Variants in SBF1 observed in about 807,000 individuals in gnomAD.
SBF1 encodes the protein myotubularin-related protein 5.
Under a neutral mutation model 215.8 loss-of-function variants are expected in SBF1, and 65 were observed. The ratio of observed to expected loss-of-function variants is 0.30; its 90% confidence interval spans 0.25 to 0.37. The LOEUF (loss-of-function observed/expected upper bound fraction) is 0.37. Among genes scored for constraint, SBF1 ranks in the 10% least tolerant of loss-of-function variants. SBF1 has a pLI of 1.00. For synonymous variants in SBF1, 1,410 were observed against 1,122.8 expected (o/e 1.26, Z -5.11); for missense variants, 2,634 against 2,667.8 (o/e 0.99, Z 0.28).
At chr22:50,448,125 TTAAG>T (rs2066907312) in intron 38 of SBF1, 104 bp downstream of exon 38, 71 of 1,043,128 alleles carry the variant, frequency 6.8e-5, no homozygotes, top group Non-Finnish European at 1.0e-4. Flanking sequence ...TGGTGTATAC[TTAAG>T]CAAGCTCCTC....
At chr22:50,472,098 G>A (rs150653976) in intron 1 of SBF1, among the ~76,000 whole-genome samples, 143 of 152,320 alleles carry the variant, frequency 9.4e-4, no homozygotes, top group African/African-American at 3.3e-3. Context: ...CCTGATGCCT[G>A]CCCCAGAGCA....
rs143229588 is a variant in SBF1, at chr22:50,473,629, G to C, written c.55+1157C>G. Among the ~76,000 whole-genome samples, 224 of 152,224 alleles carry C rather than the reference G, an allele frequency of 1.5e-3. 6 individuals carry two copies. The highest frequency in any genetic ancestry group is 4.6e-3 in the East Asian group (24 of 5,184). On this transcript the variant is annotated intron_variant, in intron 1 of 40. Transcript: ENST00000380817. ...AAAGAGGCTTCAGGAAGTGTAGGGG[G>C]GTGTCCAGCAGAAGAAACACAAAAA...
At chr22:50,453,343 C>G (rs896960546) in intron 36 of SBF1, among the ~76,000 whole-genome samples, 1 of 152,208 alleles carries the variant, frequency 6.6e-6, no homozygotes, top group Non-Finnish European at 1.5e-5. Context: ...TGGGTCACCT[C>G]CATCACAAAC....
chr22:50,456,042 G>C, intron 31 of SBF1, 174 bp downstream of exon 31: 1 of 700,306 alleles, frequency 1.4e-6, no homozygotes, highest in Non-Finnish European at 2.3e-6. Flanking sequence ...CCCCAGCCAG[G>C]CCCAGCCTCC....
At position 50,446,656 on chromosome 22, in the gene SBF1, C is replaced by A. The variant is rs1405880937; in HGVS notation, c.*486G>T. The A allele has an allele frequency of 4.4e-5, 16 of 366,280 alleles. No individual in the cohort carries two copies. Among genetic ancestry groups the A allele is most frequent in the South Asian group, 3.1e-4 (15 of 48,452 alleles). The allele number at this position is 366,280 out of a possible 1,614,324, so 22.7% of individuals were successfully genotyped here. On this transcript the variant is annotated 3_prime_UTR_variant, in exon 41 of 41. Coordinates refer to ENST00000380817, the MANE Select transcript of SBF1 (RefSeq NM_002972.4). ...GAGCAAAGTCACTCCCAGGGACATG[C>A]AGGCCGAGCTGGGTGGACCCAGGCA...
Position 50,461,830 on chromosome 22 carries a change from T to G in SBF1, c.2609A>C (p.Gln870Pro), listed in dbSNP as rs776640916. The G allele has an allele frequency of 6.2e-7, 1 of 1,613,612 alleles. No homozygotes were observed. Among genetic ancestry groups the G allele is most frequent in the African/African-American group, 1.3e-5 (1 of 74,924 alleles). Residue 870 changes from glutamine to proline, a missense_variant, in exon 21 of 41, where the codon CAG becomes CCG. Coordinates refer to ENST00000380817, the MANE Select transcript of SBF1 (RefSeq NM_002972.4). ...GGGCGGCAGCCTCCGGCTCTCCCGCTGCACGGCCTCCAGGGTCTCGATGTG... is the reference window on the plus strand; with the variant it reads ...GGGCGGCAGCCTCCGGCTCTCCCGCGGCACGGCCTCCAGGGTCTCGATGTG... ...QMHIETLEAVQRESRRLPPIQ... is the reference protein window; with the variant it reads ...QMHIETLEAVPRESRRLPPIQ...
At chr22:50,473,435 G>A (rs61584959) in intron 1 of SBF1, among the ~76,000 whole-genome samples, 15,757 of 152,152 alleles carry the variant, frequency 0.1, 1,161 homozygotes, top group African/African-American at 0.2. Flanking sequence ...CTGCACAGTG[G>A]GGATGAGGAC....
At chr22:50,473,492 G>A (rs577501629) in intron 1 of SBF1, among the ~76,000 whole-genome samples, 2 of 152,222 alleles carry the variant, frequency 1.3e-5, no homozygotes, top group African/African-American at 2.4e-5. Flanking sequence ...GAAAAAGACA[G>A]ATGCTCATGA....
Position 50,466,345 on chromosome 22 carries a change from G to T in SBF1, c.788+5C>A, listed in dbSNP as rs1008901176. On this transcript the variant is annotated splice_donor_5th_base_variant and intron_variant, in intron 7 of 40. Transcript: ENST00000380817. ...AAGGGGCTGGGAGGGCCGGGCAGGGGTCACCTGTATCTGAGAGGAAACAGC... is the reference window on the plus strand; with the variant it reads ...AAGGGGCTGGGAGGGCCGGGCAGGGTTCACCTGTATCTGAGAGGAAACAGC... 6.3e-7 allele frequency: 1 copy of T among 1,579,290 alleles called. No individual in the cohort carries two copies. Among genetic ancestry groups the T allele is most frequent in the South Asian group, 1.1e-5 (1 of 87,430 alleles).
chr22:50,469,729 GC>G (rs2067928590), intron 1 of SBF1, among the ~76,000 whole-genome samples: 3 of 152,060 alleles, frequency 2.0e-5, no homozygotes, highest in African/African-American at 7.2e-5. Flanking sequence ...TCAACACAGA[GC>G]CCCTCATGGA....
intron 36 of SBF1, among the ~76,000 whole-genome samples, chr22:50,449,410 T>C (rs1457889833): frequency 6.7e-6 from 1 of 149,240 alleles, no homozygotes; most frequent in East Asian, 2.0e-4. Context: ...AGGTCAGGAG[T>C]TCAAGACCAG....
Position 50,446,868 on chromosome 22 carries a change from G to C in SBF1, c.*274C>G, listed in dbSNP as rs925361936. The C allele has an allele frequency of 1.3e-6, 1 of 744,512 alleles. No individual in the cohort carries two copies. The highest frequency in any genetic ancestry group is 2.5e-6 in the Non-Finnish European group (1 of 406,050). 46.1% of individuals were successfully genotyped at this position (744,512 alleles called of 1,614,324 possible). A position where few individuals can be genotyped will look rare whatever the true frequency, so the allele number is the denominator to read the frequency against. On this transcript the variant is annotated 3_prime_UTR_variant, in exon 41 of 41. Coordinates refer to ENST00000380817, the MANE Select transcript of SBF1 (RefSeq NM_002972.4). ...GAAACTCGCCTGCAGCCGCTGGCTGGACCAGCACACGCTGACGGGGCCGGA... is the reference window on the plus strand; with the variant it reads ...GAAACTCGCCTGCAGCCGCTGGCTGCACCAGCACACGCTGACGGGGCCGGA...
At chr22:50,448,987 C>T (rs773772986) in intron 36 of SBF1, among the ~76,000 whole-genome samples, 10 of 151,794 alleles carry the variant, frequency 6.6e-5, no homozygotes, top group Non-Finnish European at 1.5e-4. Flanking sequence ...CACCTGAGGT[C>T]AGGAGTTTGA....
intron 30 of SBF1, 27 bp downstream of exon 30, chr22:50,456,465 A>AACCCCCCCC: frequency 5.3e-6 from 4 of 748,646 alleles, no homozygotes; most frequent in Non-Finnish European, 3.7e-6. Context: ...CCCCACCCTC[A>AACCCCCCCC]CCCCCCACCC....
In SBF1 at chr22:50,461,527, G is replaced by T. The variant is rs1167982235; in HGVS notation, c.2835C>A (p.Pro945=). Residue 945 remains proline, a synonymous_variant, in exon 22 of 41, where the codon CCC becomes CCA. Transcript: ENST00000380817. ...CCAGAGAGTCTGCAGGCTCACCCAG[G>T]GGGTCCGTGGGCATCCCCGTGAAGA... ...RVIFTGMPTD[P]LVGEQVVVRS... The T allele has an allele frequency of 6.3e-7, 1 of 1,596,732 alleles. No homozygotes were observed. The highest frequency in any genetic ancestry group is 1.7e-4 in the Middle Eastern group (1 of 6,014).
In SBF1 at chr22:50,462,250, C is replaced by G; in HGVS notation, c.2351G>C (p.Gly784Ala). 1 of 1,609,878 alleles carries G rather than the reference C, an allele frequency of 6.2e-7. No homozygotes were observed. Reference sequence around the variant, plus strand: ...GCTGGCGCTCTCCAGGTCGCCCAGCCCGGCACGCTCCCGAAGTAGGCGGCT... The same window carrying G: ...GCTGGCGCTCTCCAGGTCGCCCAGCGCGGCACGCTCCCGAAGTAGGCGGCT... ...SKSRLLRERA[G>A]LGDLESASNS... Residue 784 changes from glycine to alanine, a missense_variant, in exon 19 of 41, where the codon GGG becomes GCG. Transcript: ENST00000380817.
chr22:50,461,323 G>T, intron 22 of SBF1, 37 bp from the exon 23 acceptor site: 1 of 1,418,758 alleles, frequency 7.0e-7, no homozygotes. Context: ...AGCAAGGAAG[G>T]TAAGGGGGGG....
At chr22:50,468,133 G>A (rs1170754542) in intron 2 of SBF1, among the ~76,000 whole-genome samples, 3 of 152,176 alleles carry the variant, frequency 2.0e-5, no homozygotes, top group African/African-American at 7.2e-5. Context: ...CTGGGGCAAG[G>A]ACCAGGAGAT....
At chr22:50,465,611 T>A in intron 10 of SBF1, 152 bp downstream of exon 10, 1 of 755,892 alleles carries the variant, frequency 1.3e-6, no homozygotes, top group South Asian at 1.9e-5. Context: ...CACTCCTAAC[T>A]GCTGGCAGCT....
Sources: gnomAD v4.1 joint callset for allele counts (sites outside exome capture counted in the v4.1 genomes callset) on GRCh38, gnomAD v4.1.1 for gene constraint, MANE v1.5 for transcripts, NCBI Gene and HGNC (gene_info 2026-07-23, HGNC 2026-07-21) for gene names.